DNAH11: variants seen among roughly 807,000 people sequenced by gnomAD.
The protein encoded by DNAH11 is dynein axonemal heavy chain 11.
Under a neutral mutation model 526.0 loss-of-function variants are expected in DNAH11, and 442 were observed. The observed-to-expected ratio is 0.84, with a 90% CI of 0.78 to 0.91. The LOEUF is 0.91. Ranked by LOEUF, DNAH11 falls within the 40% of genes least tolerant of loss-of-function variation. DNAH11 has a pLI of 0.00. For missense variants in DNAH11, 6,989 were observed against 5,448.7 expected, an observed-to-expected ratio of 1.28 and a Z score of -8.90; for synonymous variants, 2,461 against 1,935.9, an observed-to-expected ratio of 1.27 and a Z score of -7.12.
At chr7:21,706,786 A>G (rs932552210) in intron 39 of DNAH11, among the ~76,000 whole-genome samples, 1 of 152,182 alleles carries the variant, frequency 6.6e-6, no homozygotes, top group East Asian at 1.9e-4. Context: ...CCAATTGTTT[A>G]TCAGTTTTTC....
intron 34 of DNAH11, among the ~76,000 whole-genome samples, chr7:21,688,923 C>T (rs899893357): frequency 1.3e-5 from 2 of 152,162 alleles, no homozygotes; most frequent in Non-Finnish European, 2.9e-5. Context: ...ACCTGTGCCC[C>T]CTTAGTTTTT....
chr7:21,800,233 A>G (rs935441492), intron 61 of DNAH11, among the ~76,000 whole-genome samples: 1 of 152,098 alleles, frequency 6.6e-6, no homozygotes. Flanking sequence ...CCCCAGTGGA[A>G]GGTGTTCCCT....
At position 21,658,447 on chromosome 7, in the gene DNAH11, CTG is replaced by C. The variant is rs1464307268; in HGVS notation, c.5095-345_5095-344del. Among the ~76,000 whole-genome samples, 5 of 152,138 alleles carry C rather than the reference CTG, an allele frequency of 3.3e-5. No homozygotes were observed. In the East Asian group the frequency reaches 9.6e-4, roughly 29 times the overall value. On this transcript the variant is annotated intron_variant, in intron 29 of 81. Transcript: ENST00000409508. ...CTGTGATGTTTGGCTTCTGAAAACACTGTGTGTTACCAGAGGGGAATCTTGGT... is the reference window on the plus strand; with the variant it reads ...CTGTGATGTTTGGCTTCTGAAAACACTGTGTTACCAGAGGGGAATCTTGGT...
chr7:21,763,339 C>CAAA (rs1243002469), intron 54 of DNAH11, among the ~76,000 whole-genome samples: 14 of 10,628 alleles, frequency 1.3e-3, no homozygotes, highest in East Asian at 8.3e-3. Flanking sequence ...AAGACTGTCT[C>CAAA]AAAAAAAAAA....
intron 56 of DNAH11, among the ~76,000 whole-genome samples, chr7:21,775,725 T>C (rs560984435): frequency 2.6e-5 from 4 of 152,320 alleles, no homozygotes; most frequent in Admixed American, 2.6e-4. Context: ...GTCTATCCTC[T>C]TCTGTCTCAT....
At chr7:21,698,300 A>G (rs539499060) in intron 36 of DNAH11, 87 bp downstream of exon 36, 4 of 1,551,758 alleles carry the variant, frequency 2.6e-6, no homozygotes, top group East Asian at 4.5e-5. Context: ...TTATCATTCA[A>G]ATTACATTAG....
Position 21,901,736 on chromosome 7 carries a change from G to A in DNAH11, c.*482G>A, listed in dbSNP as rs1421720019. ...AGGCCCCAGGTGAGTCCTGAAGGAA[G>A]AGGCTAGCACTCTGTAAGGCCTCCA... On this transcript the variant is annotated 3_prime_UTR_variant, in exon 82 of 82. Transcript: ENST00000409508. 6.9e-6 allele frequency: 1 copy of A among 144,228 alleles called. No homozygotes were observed. The highest frequency in any genetic ancestry group is 1.5e-5 in the Non-Finnish European group (1 of 65,946). The allele number at this position is 144,228 out of a possible 1,614,324, so 8.9% of individuals were successfully genotyped here. A position where few individuals can be genotyped will look rare whatever the true frequency, so the allele number is the denominator to read the frequency against.
chr7:21,581,083 A>T (rs1344660569), intron 8 of DNAH11, among the ~76,000 whole-genome samples: 1 of 152,220 alleles, frequency 6.6e-6, no homozygotes, highest in South Asian at 2.1e-4. Context: ...CATTAATTCT[A>T]TTACCGTTGT....
intron 60 of DNAH11, 82 bp downstream of exon 60, chr7:21,787,665 T>C: frequency 1.6e-6 from 2 of 1,240,602 alleles, no homozygotes; most frequent in Non-Finnish European, 2.2e-6. Flanking sequence ...GCGAGAAGAG[T>C]AAAATTTGTT....
At chr7:21,580,656 C>G (rs1583499292) in intron 8 of DNAH11, among the ~76,000 whole-genome samples, 1 of 152,296 alleles carries the variant, frequency 6.6e-6, no homozygotes, top group East Asian at 1.9e-4. Flanking sequence ...TAGCCATGTC[C>G]TTACTTGGTG....
intron 45 of DNAH11, among the ~76,000 whole-genome samples, chr7:21,732,613 A>G (rs1025752975): frequency 6.6e-6 from 1 of 152,188 alleles, no homozygotes; most frequent in Non-Finnish European, 1.5e-5. Context: ...AGACAATTCA[A>G]CCCCTAACAA....
intron 32 of DNAH11, 52 bp downstream of exon 32, chr7:21,683,996 C>T (rs1783258312): frequency 1.3e-6 from 2 of 1,577,832 alleles, no homozygotes; most frequent in South Asian, 2.3e-5. Flanking sequence ...AAAAAAGTCC[C>T]CTAGTGTGAG....
intron 76 of DNAH11, among the ~76,000 whole-genome samples, chr7:21,888,828 G>A (rs1406297863): frequency 6.6e-6 from 1 of 152,062 alleles, no homozygotes; most frequent in Non-Finnish European, 1.5e-5. Context: ...TTCATGATGT[G>A]GAGGTTCTTT....
At chr7:21,751,432 A>G (rs908436856) in intron 54 of DNAH11, among the ~76,000 whole-genome samples, 7 of 152,212 alleles carry the variant, frequency 4.6e-5, no homozygotes, top group Non-Finnish European at 8.8e-5. Context: ...ATATAACCAG[A>G]TAATAGATCA....
intron 54 of DNAH11, among the ~76,000 whole-genome samples, chr7:21,764,125 A>G (rs1787059213): frequency 6.6e-6 from 1 of 152,160 alleles, no homozygotes; most frequent in African/African-American, 2.4e-5. Flanking sequence ...ACAGCGCTGG[A>G]CTTACAGTTA....
rs61311190 is a variant in DNAH11 at position 21,763,789 on chromosome 7, TATATACATATAC to T, written c.8941-1621_8941-1610del. Reference sequence around the variant, plus strand: ...CAACAGGCAACTAGATAATGTGCTATATATACATATACATATACATATACATATATATACATA... The same window carrying T: ...CAACAGGCAACTAGATAATGTGCTATATATACATATACATATATATACATA... On this transcript the variant is annotated intron_variant, in intron 54 of 81. Coordinates refer to ENST00000409508, the MANE Select transcript of DNAH11 (RefSeq NM_001277115.2). Among the ~76,000 whole-genome samples the T allele has an allele frequency of 1.7e-4, 22 of 127,264 alleles. No homozygotes were observed. In the Middle Eastern group the frequency reaches 0.022, roughly 129 times the overall value. The allele number at this position is 127,264 out of a possible 152,430, so 83.5% of individuals were successfully genotyped here.
At chr7:21,633,156 G>A (rs1314020995) in intron 25 of DNAH11, among the ~76,000 whole-genome samples, 1 of 152,200 alleles carries the variant, frequency 6.6e-6, no homozygotes, top group African/African-American at 2.4e-5. Context: ...ACCTCCCAGT[G>A]GGTCCCTTCC....
intron 14 of DNAH11, among the ~76,000 whole-genome samples, chr7:21,594,160 G>C (rs760697032): frequency 6.6e-6 from 1 of 151,800 alleles, no homozygotes; most frequent in Non-Finnish European, 1.5e-5. Flanking sequence ...GTAAAGGCTG[G>C]AAACCAGAGT....
intron 36 of DNAH11, among the ~76,000 whole-genome samples, chr7:21,699,307 C>G (rs1486434733): frequency 1.3e-5 from 2 of 152,120 alleles, no homozygotes; most frequent in East Asian, 1.9e-4. Context: ...TCTCTACTCT[C>G]CAATCATAAG....
Sources: gnomAD v4.1 joint callset for allele counts (sites outside exome capture counted in the v4.1 genomes callset) on GRCh38, gnomAD v4.1.1 for gene constraint, MANE v1.5 for transcripts, NCBI Gene and HGNC (gene_info 2026-07-23, HGNC 2026-07-21) for gene names.